NCOA2: variants seen among roughly 807,000 people sequenced by gnomAD.
The protein encoded by NCOA2 is nuclear receptor coactivator 2, also known as class E basic helix-loop-helix protein 75.
In NCOA2, 21 loss-of-function variants were observed where a neutral mutation model predicts 145.1. The observed-to-expected ratio is 0.14, with a 90% CI of 0.10 to 0.21. The LOEUF (loss-of-function observed/expected upper bound fraction) is 0.21. NCOA2 is among the 10% of genes least tolerant of loss of function. NCOA2 has a pLI of 1.00. For missense variants in NCOA2, 1,472 were observed against 1,837.6 expected (o/e 0.80, Z 3.64); for synonymous variants, 619 against 637.5 (o/e 0.97, Z 0.44).
intron 1 of NCOA2, among the ~76,000 whole-genome samples, chr8:70,308,485 G>A (rs1031721092): frequency 6.6e-6 from 1 of 151,990 alleles, no homozygotes; most frequent in African/African-American, 2.4e-5. Flanking sequence ...ATATATGTGT[G>A]TGTGTGTATA....
At chr8:70,361,899 TG>T (rs1183278061) in intron 1 of NCOA2, among the ~76,000 whole-genome samples, 1 of 152,104 alleles carries the variant, frequency 6.6e-6, no homozygotes, top group African/African-American at 2.4e-5. Context: ...CAAGAGAAAA[TG>T]GTAACTTTTG....
chr8:70,393,540 C>T (rs780578636), intron 1 of NCOA2, among the ~76,000 whole-genome samples: 1 of 152,034 alleles, frequency 6.6e-6, no homozygotes, highest in Non-Finnish European at 1.5e-5. Flanking sequence ...TCCACCCCCA[C>T]CCATACACAC....
intron 1 of NCOA2, among the ~76,000 whole-genome samples, chr8:70,362,490 A>C (rs1810297286): frequency 6.6e-6 from 1 of 152,214 alleles, no homozygotes; most frequent in African/African-American, 2.4e-5. Context: ...TTTAACGTGC[A>C]AAAGATTTTA....
chr8:70,442,964 A>T, the NCOA2 span, among the ~76,000 whole-genome samples: 3 of 152,256 alleles, frequency 2.0e-5, no homozygotes, highest in Non-Finnish European at 4.4e-5. Flanking sequence ...ACGGGTAAGC[A>T]TCCGTACGCA....
chr8:70,446,923 T>C, the NCOA2 span, among the ~76,000 whole-genome samples: 1 of 152,226 alleles, frequency 6.6e-6, no homozygotes, highest in Non-Finnish European at 1.5e-5. Context: ...CCTTGGAAGC[T>C]AAATCTGAGC....
chr8:70,329,920 C>T (rs769027713), intron 1 of NCOA2, among the ~76,000 whole-genome samples: 10 of 152,034 alleles, frequency 6.6e-5, no homozygotes, highest in South Asian at 2.1e-4. Flanking sequence ...GTCACCACAG[C>T]GGTTATCTCT....
At chr8:70,190,852 A>G (rs1211828893) in intron 4 of NCOA2, among the ~76,000 whole-genome samples, 1 of 152,198 alleles carries the variant, frequency 6.6e-6, no homozygotes, top group African/African-American at 2.4e-5. Flanking sequence ...AAAAAAAAGT[A>G]AAGTAAAAGA....
At chr8:70,178,948 A>C (rs1815166061) in intron 4 of NCOA2, among the ~76,000 whole-genome samples, 1 of 152,210 alleles carries the variant, frequency 6.6e-6, no homozygotes, top group Non-Finnish European at 1.5e-5. Context: ...AGTTGTTCAC[A>C]AGATCAATCT....
At chr8:70,155,367 A>G (rs1260410022) in intron 11 of NCOA2, among the ~76,000 whole-genome samples, 1 of 152,232 alleles carries the variant, frequency 6.6e-6, no homozygotes, top group Non-Finnish European at 1.5e-5. Flanking sequence ...TGATCTTAAA[A>G]AGAGAGAAAG....
At chr8:70,145,401 T>C (rs974431031) in intron 12 of NCOA2, among the ~76,000 whole-genome samples, 1 of 151,906 alleles carries the variant, frequency 6.6e-6, no homozygotes, top group African/African-American at 2.4e-5. Flanking sequence ...CTCGGCTCAC[T>C]GCAACCTCTG....
At chr8:70,449,190 A>T in the NCOA2 span, among the ~76,000 whole-genome samples, 1 of 152,222 alleles carries the variant, frequency 6.6e-6, no homozygotes, top group African/African-American at 2.4e-5. Flanking sequence ...TACAAGTTTC[A>T]TGTCCCTTAT....
chr8:70,156,810 C>A lies in NCOA2; in HGVS notation c.1555G>T (p.Val519Phe). The A allele has an allele frequency of 6.2e-7, 1 of 1,614,032 alleles. No homozygotes were observed. Among genetic ancestry groups the A allele is most frequent in the Non-Finnish European group, 8.5e-7 (1 of 1,179,896 alleles). The change falls in exon 11 of 23, where the codon GTT (valine) becomes TTT (phenylalanine). Residue 519 changes from valine to phenylalanine, a missense_variant. Val to Phe is a conservative substitution (Grantham distance 50). Transcript: ENST00000452400. Reference sequence around the variant, plus strand: ...TGGCTATTTCCTGTGCTGCTGCAAACTCCCACAGGGGAATGCAAGCTTCCT... The same window carrying A: ...TGGCTATTTCCTGTGCTGCTGCAAAATCCCACAGGGGAATGCAAGCTTCCT... ...PAGSLHSPVG[V>F]CSSTGNSHSY...
At chr8:70,316,885 G>A (rs1805623592) in intron 1 of NCOA2, among the ~76,000 whole-genome samples, 1 of 152,156 alleles carries the variant, frequency 6.6e-6, no homozygotes, top group Non-Finnish European at 1.5e-5. Flanking sequence ...TGACGCCCGA[G>A]ACCCATGGGG....
chr8:70,446,433 C>A, the NCOA2 span, among the ~76,000 whole-genome samples: 40 of 152,182 alleles, frequency 2.6e-4, no homozygotes, highest in Non-Finnish European at 2.4e-4. Flanking sequence ...AAAACCCTCC[C>A]ATTCTCAGCG....
intron 1 of NCOA2, among the ~76,000 whole-genome samples, chr8:70,317,278 C>T (rs1805662892): frequency 6.6e-6 from 1 of 152,172 alleles, no homozygotes; most frequent in Middle Eastern, 3.2e-3. Flanking sequence ...AAAGTCACAA[C>T]TTGACTGGTG....
chr8:70,276,522 T>A lies in NCOA2; in HGVS notation c.-20+20222A>T, dbSNP rs577664921. 3.8e-4 allele frequency among the ~76,000 whole-genome samples: 58 copies of A among 152,284 alleles called. 1 individual carries two copies. In the South Asian group the frequency reaches 0.012, roughly 30 times the overall value. On this transcript the variant is annotated intron_variant, in intron 2 of 22. Transcript: ENST00000452400. ...TAGGAGGGTCCCTGTGGGAGGTAAT[T>A]GAATTGGGAGGTGGTTTCCCCCATC...
In NCOA2 at chr8:70,212,318, T is replaced by C. The variant is rs574795682; in HGVS notation, c.259+1585A>G. On this transcript the variant is annotated intron_variant, in intron 4 of 22. Transcript: ENST00000452400. ...TATTATTTTATCCCTTTGCTGACAC[T>C]AAAATATGAAGATACAAAATTGAGG... Among the ~76,000 whole-genome samples the C allele has an allele frequency of 1.3e-3, 200 of 152,216 alleles. 2 individuals are homozygous for C. Among genetic ancestry groups the C allele is most frequent in the Non-Finnish European group, 2.6e-3 (179 of 68,016 alleles).
chr8:70,401,520 G>GA (rs1009191232), intron 1 of NCOA2, among the ~76,000 whole-genome samples: 18 of 147,118 alleles, frequency 1.2e-4, no homozygotes, highest in Admixed American at 2.7e-4. Context: ...TTTGCAAAAA[G>GA]AAAAAAAAAT....
At chr8:70,429,131 T>C in the NCOA2 span, among the ~76,000 whole-genome samples, 12 of 152,226 alleles carry the variant, frequency 7.9e-5, no homozygotes, top group African/African-American at 2.7e-4. Flanking sequence ...CAGCTTACCT[T>C]CAGGAATTAT....
Sources: allele counts gnomAD v4.1 joint callset (sites outside exome capture counted in the v4.1 genomes callset), GRCh38; gene constraint gnomAD v4.1.1; transcripts MANE v1.5; gene names NCBI Gene and HGNC (gene_info 2026-07-23, HGNC 2026-07-21).